RASAL2: variants seen among roughly 807,000 people sequenced by gnomAD.
The protein encoded by RASAL2 is RAS protein activator like 2.
A neutral mutation model predicts 128.9 loss-of-function variants in RASAL2; 58 were observed. The ratio of observed to expected loss-of-function variants is 0.45; its 90% CI spans 0.36 to 0.56. The LOEUF is 0.56. Ranked by LOEUF, RASAL2 falls within the 20% of genes least tolerant of loss-of-function variation. The probability of loss-of-function intolerance (pLI) is 0.00; values close to 1 mark genes in which losing one functional copy is unlikely to be tolerated. For synonymous variants in RASAL2, 561 were observed against 580.8 expected, an observed-to-expected ratio of 0.97 and a Z score of 0.49; for missense variants, 1,360 against 1,601.6, an observed-to-expected ratio of 0.85 and a Z score of 2.57.
At chr1:178,321,969 CAA>C (rs1668809129) in intron 3 of RASAL2, among the ~76,000 whole-genome samples, 1 of 149,148 alleles carries the variant, frequency 6.7e-6, no homozygotes, top group South Asian at 2.1e-4. Flanking sequence ...GCCTGGGCAA[CAA>C]GAGCGAAACT....
intron 1 of RASAL2, among the ~76,000 whole-genome samples, chr1:178,216,999 G>A (rs1005744535): frequency 2.6e-5 from 4 of 151,410 alleles, no homozygotes; most frequent in Admixed American, 2.0e-4. Flanking sequence ...TTTTGAGACG[G>A]AGTTTCGCTC....
At chr1:178,172,304 A>G (rs1391586188) in intron 1 of RASAL2, among the ~76,000 whole-genome samples, 1 of 152,028 alleles carries the variant, frequency 6.6e-6, no homozygotes, top group East Asian at 1.9e-4. Flanking sequence ...GGCCTAAATA[A>G]TGTGTAGAAA....
At chr1:178,322,218 G>A (rs1242403859) in intron 3 of RASAL2, among the ~76,000 whole-genome samples, 1 of 151,988 alleles carries the variant, frequency 6.6e-6, no homozygotes, top group African/African-American at 2.4e-5. Flanking sequence ...TCTCTTTCTT[G>A]ACTTCTGTGA....
intron 5 of RASAL2, among the ~76,000 whole-genome samples, chr1:178,427,035 TAGG>T (rs1211807316): frequency 1.3e-5 from 2 of 152,016 alleles, no homozygotes; most frequent in African/African-American, 4.8e-5. Context: ...AGAGACAAGA[TAGG>T]AGGAACGTTT....
rs145227037 is a variant in RASAL2, at chr1:178,116,917, G to T, written c.202+22223G>T. Among the ~76,000 whole-genome samples the T allele has an allele frequency of 8.2e-4, 125 of 152,222 alleles. 1 individual carries two copies. Among genetic ancestry groups the T allele is most frequent in the African/African-American group, 2.8e-3 (118 of 41,552 alleles). On this transcript the variant is annotated intron_variant, in intron 1 of 17. Coordinates refer to ENST00000367649, the MANE Select transcript of RASAL2 (RefSeq NM_170692.4). ...CACCTGGCCTAGATTGCTAATTTTT[G>T]TAATTTTTGATTTATCAGTCTGAAA... is the stretch of plus-strand genomic sequence containing the variant.
At chr1:178,412,324 A>T (rs1337294818) in intron 4 of RASAL2, among the ~76,000 whole-genome samples, 1 of 152,202 alleles carries the variant, frequency 6.6e-6, no homozygotes, top group Non-Finnish European at 1.5e-5. Context: ...ATTTACTCCA[A>T]ACCATGATTT....
At chr1:178,407,881 T>G (rs1674093003) in intron 4 of RASAL2, among the ~76,000 whole-genome samples, 1 of 152,196 alleles carries the variant, frequency 6.6e-6, no homozygotes, top group Admixed American at 6.5e-5. Flanking sequence ...AGCAGTTTTA[T>G]TTCAGTTACC....
chr1:178,314,128 C>T (rs574398916), intron 3 of RASAL2, among the ~76,000 whole-genome samples: 1 of 152,230 alleles, frequency 6.6e-6, no homozygotes, highest in South Asian at 2.1e-4. Flanking sequence ...AACCCAGGGA[C>T]CACGATAGTA....
intron 9 of RASAL2, 42 bp downstream of exon 9, chr1:178,445,704 C>T: frequency 6.4e-7 from 1 of 1,557,050 alleles, no homozygotes; most frequent in Non-Finnish European, 8.7e-7. Flanking sequence ...ATTTACTTTT[C>T]AGTTTTAAGC....
chr1:178,339,042 CT>C (rs1317951618), intron 3 of RASAL2, among the ~76,000 whole-genome samples: 4 of 152,026 alleles, frequency 2.6e-5, no homozygotes, highest in Admixed American at 6.6e-5. Context: ...CTCATCAAAC[CT>C]TTTTAAAGTA....
chr1:178,256,314 T>TA (rs1277295643), intron 1 of RASAL2, among the ~76,000 whole-genome samples: 2 of 152,252 alleles, frequency 1.3e-5, no homozygotes, highest in South Asian at 2.1e-4. Context: ...CCTTTCATGA[T>TA]AAAAAACACT....
intron 1 of RASAL2, among the ~76,000 whole-genome samples, chr1:178,255,321 T>C (rs926447606): frequency 6.6e-6 from 1 of 152,142 alleles, no homozygotes; most frequent in Non-Finnish European, 1.5e-5. Context: ...AATGCTTATT[T>C]TCTCCTTTCT....
chr1:178,360,377 C>T (rs945468261), intron 3 of RASAL2, among the ~76,000 whole-genome samples: 5 of 152,120 alleles, frequency 3.3e-5, no homozygotes, highest in South Asian at 2.1e-4. Context: ...TAACATTGGC[C>T]GTGAATTTGA....
rs1239809916 is a variant in RASAL2 at position 178,438,881 on chromosome 1, C to CTCTGTGTGTG, written c.675-540_675-539insCTGTGTGTGT. On this transcript the variant is annotated intron_variant, in intron 5 of 17. Coordinates refer to ENST00000367649, the MANE Select transcript of RASAL2 (RefSeq NM_170692.4). ...TGTGATAAAAAGTTGAGCTTCGACT[C>CTCTGTGTGTG]TGTGTGTGTGTGTGTGTGTGTGTGT... Among the ~76,000 whole-genome samples, 173 of 129,462 alleles carry CTCTGTGTGTG rather than the reference C, an allele frequency of 1.3e-3. 2 individuals are homozygous for CTCTGTGTGTG. Among genetic ancestry groups the CTCTGTGTGTG allele is most frequent in the African/African-American group, 4.5e-3 (165 of 36,542 alleles). 84.9% of individuals were successfully genotyped at this position (129,462 alleles called of 152,430 possible). A position where few individuals can be genotyped will look rare whatever the true frequency, so the allele number is the denominator to read the frequency against.
rs972396552 is a variant in RASAL2, at chr1:178,445,596, A to T, written c.1561A>T (p.Ile521Phe). The T allele has an allele frequency of 6.2e-7, 1 of 1,613,796 alleles. No individual in the cohort carries two copies. The highest frequency in any genetic ancestry group is 1.7e-5 in the Admixed American group (1 of 59,986). ...TGTCTTGATCTTCAGAGAGAACACT[A>T]TTGCCACCAAATCCATTGAGGAATA... ...HDVLIFRENTIATKSIEEYLK... is the reference protein window; with the variant it reads ...HDVLIFRENTFATKSIEEYLK... Residue 521 changes from isoleucine to phenylalanine, a missense_variant, in exon 9 of 18, where the codon ATT becomes TTT. Ile to Phe is a conservative substitution (Grantham distance 21). Around this residue, in one of 3 missense-constraint regions of RASAL2, gnomAD observed 617 missense variants for 714.2 expected, o/e 0.86. Transcript: ENST00000367649.
At chr1:178,257,421 A>ATG (rs1491588452) in intron 1 of RASAL2, among the ~76,000 whole-genome samples, 5 of 114,578 alleles carry the variant, frequency 4.4e-5, no homozygotes, top group African/African-American at 1.7e-4. Flanking sequence ...TGGCTCAGGG[A>ATG]TATGTGTGTG....
At chr1:178,141,218 T>C (rs1489915911) in intron 1 of RASAL2, among the ~76,000 whole-genome samples, 1 of 146,378 alleles carries the variant, frequency 6.8e-6, no homozygotes, top group Non-Finnish European at 1.5e-5. Flanking sequence ...TTTTTTTTTT[T>C]GCAGTTGCAA....
At chr1:178,336,253 G>A (rs368219889) in intron 3 of RASAL2, among the ~76,000 whole-genome samples, 2 of 151,220 alleles carry the variant, frequency 1.3e-5, no homozygotes, top group Admixed American at 6.6e-5. Context: ...GCTTCAGTTA[G>A]TTGTAAGGAA....
Position 178,452,418 on chromosome 1 carries a change from T to C in RASAL2, c.1775T>C (p.Val592Ala), listed in dbSNP as rs1185081947. 1 of 1,613,604 alleles carries C rather than the reference T, an allele frequency of 6.2e-7. No individual in the cohort carries two copies. The highest frequency in any genetic ancestry group is 8.5e-7 in the Non-Finnish European group (1 of 1,179,546). The change falls in exon 11 of 18, where the codon GTT (valine) becomes GCT (alanine). Residue 592 changes from valine to alanine, a missense_variant and splice_region_variant. By Grantham distance (64) the Val-to-Ala change is moderately conservative. This residue lies in a region of RASAL2 where 741 missense variants were observed against 868.6 expected (regional missense o/e 0.85). Coordinates refer to ENST00000367649, the MANE Select transcript of RASAL2 (RefSeq NM_170692.4). ...AFCKIINSYC[V>A]FPRELKEVFA... ...TTGGTACTTCTTTCCTTCCCTAGTG[T>C]TTTCCCTCGTGAGTTGAAAGAAGTG...
Sources: gnomAD v4.1 joint callset for allele counts (sites outside exome capture counted in the v4.1 genomes callset) on GRCh38, gnomAD v4.1.1 for gene constraint, gnomAD v4.1.1 regional missense constraint, MANE v1.5 for transcripts, NCBI Gene and HGNC (gene_info 2026-07-23, HGNC 2026-07-21) for gene names.